UTRN: variants seen among roughly 807,000 people sequenced by gnomAD.
UTRN encodes the protein utrophin, also known as dystrophin-related protein 1.
Under a neutral mutation model 463.9 loss-of-function variants are expected in UTRN, and 283 were observed. The observed-to-expected ratio is 0.61, with a 90% CI of 0.55 to 0.67. The LOEUF (loss-of-function observed/expected upper bound fraction) is 0.67. UTRN is among the 30% of genes least tolerant of loss of function. The pLI, the probability that UTRN is intolerant of heterozygous loss-of-function variation, is 0.00. For synonymous variants in UTRN, 1,442 were observed against 1,431.5 expected, an observed-to-expected ratio of 1.01 and a Z score of -0.17; for missense variants, 3,922 against 4,084.3, an observed-to-expected ratio of 0.96 and a Z score of 1.08.
intron 34 of UTRN, among the ~76,000 whole-genome samples, chr6:144,507,293 G>A (rs184131558): frequency 1.1e-4 from 17 of 151,814 alleles, no homozygotes; most frequent in East Asian, 9.8e-4. Context: ...TTCTCCATCC[G>A]GTTTTGTTCC....
chr6:144,315,701 C>T (rs1177218836), intron 2 of UTRN, among the ~76,000 whole-genome samples: 1 of 152,200 alleles, frequency 6.6e-6, no homozygotes, highest in Non-Finnish European at 1.5e-5. Flanking sequence ...TCCTCCGTGC[C>T]GCTGTGCTGG....
chr6:144,595,514 G>A (rs919108865), intron 51 of UTRN, among the ~76,000 whole-genome samples: 2 of 152,166 alleles, frequency 1.3e-5, no homozygotes, highest in Non-Finnish European at 2.9e-5. Context: ...CACACAGCCA[G>A]CTTCCATATT....
rs117044452 is a variant in UTRN, at chr6:144,580,601, T to A, written c.7479+3313T>A. Among the ~76,000 whole-genome samples the A allele has an allele frequency of 2.5e-3, 383 of 152,320 alleles. 13 individuals are homozygous for A. The East Asian group carries it at 0.059, about 24-fold the overall frequency. On this transcript the variant is annotated intron_variant, in intron 51 of 74. Coordinates refer to ENST00000367545, the MANE Select transcript of UTRN (RefSeq NM_007124.3). ...GCCCTGCTGCAAGGCTGTTAGGATTTATTCCCCAGCAGAAGCCTTTTGGCA... is the reference window on the plus strand; with the variant it reads ...GCCCTGCTGCAAGGCTGTTAGGATTAATTCCCCAGCAGAAGCCTTTTGGCA...
intron 1 of UTRN, among the ~76,000 whole-genome samples, chr6:144,287,389 C>T (rs1030549715): frequency 6.6e-6 from 1 of 152,134 alleles, no homozygotes; most frequent in African/African-American, 2.4e-5. Flanking sequence ...GTTCTTGGCA[C>T]TCACCGTTTT....
intron 45 of UTRN, among the ~76,000 whole-genome samples, chr6:144,541,027 T>C (rs1259470406): frequency 6.6e-6 from 1 of 152,244 alleles, no homozygotes; most frequent in African/African-American, 2.4e-5. Flanking sequence ...ATCTCTTGTC[T>C]TGATGACTAC....
intron 13 of UTRN, among the ~76,000 whole-genome samples, chr6:144,442,315 C>G (rs970248105): frequency 6.6e-6 from 1 of 152,072 alleles, no homozygotes; most frequent in Non-Finnish European, 1.5e-5. Context: ...CCACAGGTAC[C>G]CTAAATTTTC....
intron 2 of UTRN, among the ~76,000 whole-genome samples, chr6:144,328,995 G>A (rs1776159780): frequency 1.3e-5 from 2 of 151,738 alleles, no homozygotes; most frequent in African/African-American, 4.8e-5. Flanking sequence ...ATGTTGGCCA[G>A]CCTGATCTTG....
chr6:144,518,157 C>T (rs1367027734), intron 39 of UTRN, among the ~76,000 whole-genome samples: 1 of 152,176 alleles, frequency 6.6e-6, no homozygotes, highest in Non-Finnish European at 1.5e-5. Context: ...TAATGATTTT[C>T]TCCCATGATA....
intron 51 of UTRN, among the ~76,000 whole-genome samples, chr6:144,624,189 C>T (rs1775712622): frequency 6.6e-6 from 1 of 151,938 alleles, no homozygotes; most frequent in African/African-American, 2.4e-5. Context: ...AAAATGAGGA[C>T]AGAAAGGTAA....
intron 2 of UTRN, among the ~76,000 whole-genome samples, chr6:144,396,146 G>A (rs1156942809): frequency 6.6e-6 from 1 of 152,054 alleles, no homozygotes; most frequent in Admixed American, 6.5e-5. Flanking sequence ...TTAGACAAAT[G>A]GATAAAGAAA....
intron 65 of UTRN, among the ~76,000 whole-genome samples, chr6:144,811,762 A>C (rs1443742358): frequency 6.6e-6 from 1 of 151,964 alleles, no homozygotes; most frequent in African/African-American, 2.4e-5. Context: ...CCTGTTAAGA[A>C]TATCTTTAAA....
intron 51 of UTRN, among the ~76,000 whole-genome samples, chr6:144,601,001 C>T (rs1479617893): frequency 6.6e-6 from 1 of 152,126 alleles, no homozygotes; most frequent in Non-Finnish European, 1.5e-5. Context: ...ACAACAAAGC[C>T]TGGATGACAG....
At chr6:144,575,293 T>C (rs941475614) in intron 50 of UTRN, among the ~76,000 whole-genome samples, 1 of 152,180 alleles carries the variant, frequency 6.6e-6, no homozygotes, top group Non-Finnish European at 1.5e-5. Context: ...AATAGGAAAG[T>C]AAACCAACTT....
rs73780579 is a variant in UTRN, at chr6:144,461,094, G to A, written c.2708-103G>A. ...AGACCCTTTTACATTTTAATCATGG[G>A]GTCTCCTTTGCCATGTATTGGAATT... On this transcript the variant is annotated intron_variant, in intron 21 of 74. Transcript: ENST00000367545. 1,927 of 912,842 alleles carry A rather than the reference G, an allele frequency of 2.1e-3. 33 individuals are homozygous for A. In the African/African-American group the frequency reaches 0.03, roughly 14 times the overall value. 56.5% of individuals were successfully genotyped at this position (912,842 alleles called of 1,614,324 possible).
intron 51 of UTRN, among the ~76,000 whole-genome samples, chr6:144,609,849 T>A (rs1207757399): frequency 6.6e-6 from 1 of 151,274 alleles, no homozygotes; most frequent in African/African-American, 2.4e-5. Flanking sequence ...ACAGAAAAAA[T>A]TAGAATGAAA....
intron 51 of UTRN, among the ~76,000 whole-genome samples, chr6:144,609,749 A>T (rs1185907999): frequency 6.6e-6 from 1 of 152,244 alleles, no homozygotes; most frequent in Non-Finnish European, 1.5e-5. Flanking sequence ...TCACAGTGGG[A>T]TAAAACCAGA....
At chr6:144,422,062 A>G in intron 4 of UTRN, 92 bp downstream of exon 4, 3 of 987,334 alleles carry the variant, frequency 3.0e-6, no homozygotes, top group Non-Finnish European at 4.3e-6. Flanking sequence ...GAAAGTATCC[A>G]TTTTACTTTA....
chr6:144,551,871 C>T (rs1369045276), intron 48 of UTRN, among the ~76,000 whole-genome samples: 1 of 152,162 alleles, frequency 6.6e-6, no homozygotes, highest in African/African-American at 2.4e-5. Context: ...TTTCTCTTGG[C>T]CTTTTCTTCC....
At position 144,779,179 on chromosome 6, in the gene UTRN, G is replaced by T. The variant is rs550735067; in HGVS notation, c.8633-2743G>T. On this transcript the variant is annotated intron_variant, in intron 60 of 74. Coordinates refer to ENST00000367545, the MANE Select transcript of UTRN (RefSeq NM_007124.3). Reference sequence around the variant, plus strand: ...CATGTGGGGATCCAATAGCAGTGCTGTGTTACTGGCATAATTAATGTTGGA... The same window carrying T: ...CATGTGGGGATCCAATAGCAGTGCTTTGTTACTGGCATAATTAATGTTGGA... Among the ~76,000 whole-genome samples the T allele has an allele frequency of 7.2e-5, 11 of 152,318 alleles. 1 individual carries two copies. The South Asian group carries it at 2.3e-3, about 32-fold the overall frequency.
Sources: allele counts gnomAD v4.1 joint callset (sites outside exome capture counted in the v4.1 genomes callset), GRCh38; gene constraint gnomAD v4.1.1; transcripts MANE v1.5; gene names NCBI Gene and HGNC (gene_info 2026-07-23, HGNC 2026-07-21).